Variants in KIF1C observed in about 807,000 individuals in gnomAD.
The protein encoded by KIF1C is kinesin family member 1C.
In KIF1C, 61 loss-of-function variants were observed where a neutral mutation model predicts 126.5. The ratio of observed to expected loss-of-function variants is 0.48; its 90% CI spans 0.39 to 0.60. KIF1C has a LOEUF of 0.60. Ranked by LOEUF, KIF1C falls within the 20% of genes least tolerant of loss-of-function variation. The pLI is 0.00. For missense variants in KIF1C, 1,315 were observed against 1,489.2 expected (o/e 0.88, Z 1.93); for synonymous variants, 640 against 580.6 (o/e 1.10, Z -1.47).
intron 2 of KIF1C, 110 bp from the exon 3 acceptor site, chr17:5,000,110 G>A: frequency 3.1e-6 from 2 of 639,206 alleles, no homozygotes; most frequent in Middle Eastern, 3.2e-4. Context: ...TTGAGAGGCT[G>A]GGTGGCTCTG....
At chr17:5,019,103 G>A (rs1256737759) in intron 18 of KIF1C, 1 of 163,362 alleles carries the variant, frequency 6.1e-6, no homozygotes, top group Non-Finnish European at 1.5e-5. Context: ...TGCTCTCCTT[G>A]TTCTCCCAGC....
chr17:5,000,790 A>G lies in KIF1C; in HGVS notation c.125A>G (p.Gln42Arg). 9 of 1,614,034 alleles carry G rather than the reference A, an allele frequency of 5.6e-6. No individual in the cohort carries two copies. The highest frequency in any genetic ancestry group is 7.6e-6 in the Non-Finnish European group (9 of 1,179,964). ...CCCTCAGCCATCATCAATCCTAAACAGAGCAAGGATGCCCCCAAAAGCTTC... is the reference window on the plus strand; with the variant it reads ...CCCTCAGCCATCATCAATCCTAAACGGAGCAAGGATGCCCCCAAAAGCTTC... ...GNTTSIINPK[Q>R]SKDAPKSFTF... is the part of the protein sequence containing the mutation. Residue 42 changes from glutamine (Q) to arginine (R), a missense_variant, in exon 4 of 23, where the codon CAG becomes CGG. Physicochemically the swap from Gln to Arg is conservative, Grantham distance 43 (BLOSUM62 1). Transcript: ENST00000320785.
In KIF1C at chr17:5,020,216, T is replaced by G; in HGVS notation, c.1750+137T>G. 1.3e-6 allele frequency: 1 copy of G among 756,294 alleles called. No homozygotes were observed. The highest frequency in any genetic ancestry group is 2.3e-6 in the Non-Finnish European group (1 of 437,206). 46.8% of individuals were successfully genotyped at this position (756,294 alleles called of 1,614,324 possible). A position where few individuals can be genotyped will look rare whatever the true frequency, so the allele number is the denominator to read the frequency against. ...TAGCACGGGGATATAAAGAAGGAAC[T>G]GGGAAGTGAAGGTCAAGGAGTCAGG... On this transcript the variant is annotated intron_variant, in intron 19 of 22. Transcript: ENST00000320785. The surrounding 1 kb of genome is among the most constrained non-coding windows in gnomAD (Gnocchi z 5.8).
intron 18 of KIF1C, among the ~76,000 whole-genome samples, chr17:5,018,545 C>T (rs963765432): frequency 3.0e-4 from 46 of 151,790 alleles, no homozygotes; most frequent in African/African-American, 1.0e-3. Context: ...CAAAATTAGC[C>T]AGGTGTGGTG....
chr17:5,005,845 GC>G (rs1974716880), intron 13 of KIF1C, among the ~76,000 whole-genome samples: 1 of 150,822 alleles, frequency 6.6e-6, no homozygotes. Flanking sequence ...TCCTGCCTCA[GC>G]CTCCCGAATA....
chr17:5,022,480 C>A lies in KIF1C; in HGVS notation c.2399C>A (p.Ala800Asp). 1 of 1,586,442 alleles carries A rather than the reference C, an allele frequency of 6.3e-7. No individual in the cohort carries two copies. The change falls in exon 22 of 23, where the codon GCC becomes GAC. Residue 800 changes from alanine to aspartate, a missense_variant. Physicochemically the swap from Ala to Asp is moderately radical, Grantham distance 126. Transcript: ENST00000320785. The surrounding 1 kb of genome is among the most constrained non-coding windows in gnomAD (Gnocchi z 4.9). The stretch of plus-strand genomic sequence containing the variant: ...CCCGGAGACGCCTGGAGGGCTGTGG[C>A]CCGGGATGTCTGGGACACTGTAGGC... ...DGPGDAWRAV[A>D]RDVWDTVGEE...
rs756903181 is a variant in KIF1C at position 5,020,475 on chromosome 17, C to T, written c.1751-17C>T. The T allele has an allele frequency of 6.3e-7, 1 of 1,593,290 alleles. No homozygotes were observed. Among genetic ancestry groups the T allele is most frequent in the Non-Finnish European group, 8.6e-7 (1 of 1,167,216 alleles). On this transcript the variant is annotated splice_polypyrimidine_tract_variant and intron_variant, in intron 19 of 22. Coordinates refer to ENST00000320785, the MANE Select transcript of KIF1C (RefSeq NM_006612.6). The surrounding 1 kb of genome is among the most constrained non-coding windows in gnomAD (Gnocchi z 5.8). ...CTGATGGGAAGCGAGTTTACTTTTC[C>T]CTCCTCCCATCTCTAGGGAATAGGA...
In KIF1C at chr17:5,022,061, C is replaced by T. The variant is rs752289584; in HGVS notation, c.2011-31C>T. ...CACATGGGCTCTGGATGTCCTTAGCCCTCTCTTCCTCTTTCTTTCTCTGGC... is the reference window on the plus strand; with the variant it reads ...CACATGGGCTCTGGATGTCCTTAGCTCTCTCTTCCTCTTTCTTTCTCTGGC... On this transcript the variant is annotated intron_variant, in intron 21 of 22. Coordinates refer to ENST00000320785, the MANE Select transcript of KIF1C (RefSeq NM_006612.6). The surrounding 1 kb of genome is among the most constrained non-coding windows in gnomAD (Gnocchi z 4.9). 11 of 1,568,386 alleles carry T rather than the reference C, an allele frequency of 7.0e-6. No homozygotes were observed. Among genetic ancestry groups the T allele is most frequent in the Non-Finnish European group, 9.5e-6 (11 of 1,155,088 alleles).
In KIF1C at chr17:5,020,581, C is replaced by T; in HGVS notation, c.1840C>T (p.Pro614Ser). 6.2e-7 allele frequency: 1 copy of T among 1,614,244 alleles called. No individual in the cohort carries two copies. Residue 614 changes from proline to serine, a missense_variant, in exon 20 of 23, where the codon CCC becomes TCC. This residue lies in a region of KIF1C where 874 missense variants were observed against 1,053.2 expected (regional missense o/e 0.83). Transcript: ENST00000320785. This position sits in a 1 kb window ranked among gnomAD's most constrained non-coding sequence, Gnocchi z 5.8. ...RLERERGVPP[P>S]PGPPSEPVDW... Reference sequence around the variant, plus strand: ...GGAACGGGAACGAGGGGTCCCCCCACCCCCAGGACCGCCCTCTGAGCCAGT... The same window carrying T: ...GGAACGGGAACGAGGGGTCCCCCCATCCCCAGGACCGCCCTCTGAGCCAGT...
rs146950377 is a variant in KIF1C at position 5,000,481 on chromosome 17, C to T, written c.106+129C>T. 66 of 718,798 alleles carry T rather than the reference C, an allele frequency of 9.2e-5. No homozygotes were observed. In the Middle Eastern group the frequency reaches 1.1e-3, roughly 12 times the overall value. 44.5% of individuals were successfully genotyped at this position (718,798 alleles called of 1,614,324 possible). A position where few individuals can be genotyped will look rare whatever the true frequency, so the allele number is the denominator to read the frequency against. On this transcript the variant is annotated intron_variant, in intron 3 of 22. Coordinates refer to ENST00000320785, the MANE Select transcript of KIF1C (RefSeq NM_006612.6). ...ACAGAGCAGGTGCTAGTCGTAAGGGCGGGGGCTGGGGCAGGCTGGCCTTTC... is the reference window on the plus strand; with the variant it reads ...ACAGAGCAGGTGCTAGTCGTAAGGGTGGGGGCTGGGGCAGGCTGGCCTTTC...
chr17:5,006,966 C>T lies in KIF1C; in HGVS notation c.1217C>T (p.Ser406Phe), dbSNP rs773814610. ...AGAGGCGCCCTGCCAGCTGTGTCAT[C>T]TCCCCCAGCTCCAGTTTCACCCTCA... ...SVRGALPAVS[S>F]PPAPVSPSSP... Residue 406 changes from serine to phenylalanine, a missense_variant, in exon 14 of 23, where the codon TCT becomes TTT. By Grantham distance (155) the Ser-to-Phe change is radical (BLOSUM62 -2). Coordinates refer to ENST00000320785, the MANE Select transcript of KIF1C (RefSeq NM_006612.6). 8 of 1,609,650 alleles carry T rather than the reference C, an allele frequency of 5.0e-6. No homozygotes were observed. Among genetic ancestry groups the T allele is most frequent in the Non-Finnish European group, 6.8e-6 (8 of 1,178,824 alleles).
At position 5,002,833 on chromosome 17, in the gene KIF1C, C is replaced by T; in HGVS notation, c.711C>T (p.Asp237=). 6.2e-7 allele frequency: 1 copy of T among 1,606,968 alleles called. No homozygotes were observed. Among genetic ancestry groups the T allele is most frequent in the South Asian group, 1.1e-5 (1 of 90,936 alleles). The change falls in exon 8 of 23, where the codon GAC becomes GAT. Residue 237 remains aspartate (D), a synonymous_variant. Transcript: ENST00000320785. ...QRCHDQLTGL[D]SEKVSKISLV... is the part of the protein sequence containing the mutation. ...GCCATGACCAGCTCACGGGGCTGGA[C>T]TCGGAGAAGGTGGGATCGCCCCCCC...
At chr17:5,005,127 G>C (rs1421198443) in intron 13 of KIF1C, 127 bp downstream of exon 13, 1 of 1,173,758 alleles carries the variant, frequency 8.5e-7, no homozygotes, top group Non-Finnish European at 1.2e-6. Flanking sequence ...TGTGCTCAGT[G>C]ACGTGGACAC....
intron 18 of KIF1C, among the ~76,000 whole-genome samples, chr17:5,018,994 A>G (rs1339082965): frequency 1.3e-5 from 2 of 151,690 alleles, no homozygotes. Context: ...CCTGCTGTCC[A>G]CCTCTGCTGC....
chr17:5,003,461 C>A (rs968170625), intron 8 of KIF1C, 151 bp from the exon 9 acceptor site: 10 of 604,048 alleles, frequency 1.7e-5, no homozygotes, highest in Non-Finnish European at 3.0e-5. Flanking sequence ...ACTGTTGTCA[C>A]GTATTCTGTT....
chr17:5,006,323 C>G (rs1049185457), intron 13 of KIF1C, among the ~76,000 whole-genome samples: 3 of 151,648 alleles, frequency 2.0e-5, no homozygotes, highest in African/African-American at 7.3e-5. Context: ...GTATGAGCCA[C>G]TGTGTCCGGC....
intron 16 of KIF1C, among the ~76,000 whole-genome samples, chr17:5,010,565 G>A (rs949078586): frequency 9.9e-5 from 15 of 151,662 alleles, no homozygotes; most frequent in Admixed American, 7.2e-4. Flanking sequence ...TGGCTAACAA[G>A]GTGAAACCCC....
chr17:5,006,933 G>T lies in KIF1C; in HGVS notation c.1184G>T (p.Gly395Val). The change falls in exon 14 of 23, where the codon GGG becomes GTG. Residue 395 changes from glycine to valine, a missense_variant. Physicochemically the swap from Gly to Val is moderately radical, Grantham distance 109. Around this residue, in one of 2 missense-constraint regions of KIF1C, gnomAD observed 874 missense variants for 1,053.2 expected, o/e 0.83. Coordinates refer to ENST00000320785, the MANE Select transcript of KIF1C (RefSeq NM_006612.6). ...CTCCCAGGCCTGAAGACGGAAGAAG[G>T]GAGTGTCAGAGGCGCCCTGCCAGCT... ...SALEGLKTEEGSVRGALPAVS... is the reference protein window; with the variant it reads ...SALEGLKTEEVSVRGALPAVS... 1 of 1,610,096 alleles carries T rather than the reference G, an allele frequency of 6.2e-7. No homozygotes were observed. The highest frequency in any genetic ancestry group is 8.5e-7 in the Non-Finnish European group (1 of 1,178,954).
intron 8 of KIF1C, 77 bp downstream of exon 8, chr17:5,002,919 G>A: frequency 8.2e-7 from 1 of 1,214,726 alleles, no homozygotes; most frequent in Non-Finnish European, 1.2e-6. Context: ...TGGTAGAAGG[G>A]TCTTGGGCCC....
Sources: gnomAD v4.1 joint callset for allele counts (sites outside exome capture counted in the v4.1 genomes callset) on GRCh38, gnomAD v4.1.1 for gene constraint, gnomAD v4.1.1 regional missense constraint, Gnocchi (gnomAD v3.1) non-coding constraint, MANE v1.5 for transcripts, NCBI Gene and HGNC (gene_info 2026-07-23, HGNC 2026-07-21) for gene names.